PTPRD: variants seen among roughly 807,000 people sequenced by gnomAD.
PTPRD encodes protein tyrosine phosphatase receptor type D.
In PTPRD, 34 loss-of-function variants were observed where a neutral mutation model predicts 214.5. The observed-to-expected ratio is 0.16, with a 90% confidence interval of 0.12 to 0.21. The LOEUF (loss-of-function observed/expected upper bound fraction) is 0.21, where lower values mean the gene tolerates loss of function less well. PTPRD is among the 10% of genes least tolerant of loss of function. PTPRD has a pLI of 1.00. For missense variants in PTPRD, 2,545 were observed against 2,398.7 expected (o/e 1.06, Z -1.27); for synonymous variants, 1,128 against 845.7 (o/e 1.33, Z -5.79).
chr9:10,001,580 C>T (rs990436365), intron 4 of PTPRD, among the ~76,000 whole-genome samples: 1 of 152,046 alleles, frequency 6.6e-6, no homozygotes, highest in Non-Finnish European at 1.5e-5. Context: ...ATCACTGAAG[C>T]CAGAGGCAAT....
chr9:9,278,299 A>T (rs971064598), intron 9 of PTPRD, among the ~76,000 whole-genome samples: 2 of 151,260 alleles, frequency 1.3e-5, no homozygotes, highest in African/African-American at 4.8e-5. Context: ...TATTATTATT[A>T]TGGCTGTCAA....
intron 12 of PTPRD, among the ~76,000 whole-genome samples, chr9:8,687,448 A>G (rs187981919): frequency 6.6e-6 from 1 of 152,210 alleles, no homozygotes; most frequent in Admixed American, 6.5e-5. Flanking sequence ...CACAAACCGT[A>G]TGTTCCAGGT....
At chr9:9,829,873 A>G (rs2054237573) in intron 5 of PTPRD, among the ~76,000 whole-genome samples, 2 of 151,878 alleles carry the variant, frequency 1.3e-5, no homozygotes, top group Admixed American at 1.3e-4. Context: ...TACTATTTCT[A>G]TTATGTTTAT....
At chr9:10,339,941 T>G (rs1322636339) in intron 3 of PTPRD, among the ~76,000 whole-genome samples, 1 of 151,832 alleles carries the variant, frequency 6.6e-6, no homozygotes, top group African/African-American at 2.4e-5. Flanking sequence ...CACCTTATTC[T>G]TCATAACTAT....
chr9:10,441,499 T>C (rs2098758044), intron 2 of PTPRD, among the ~76,000 whole-genome samples: 1 of 151,718 alleles, frequency 6.6e-6, no homozygotes, highest in African/African-American at 2.4e-5. Flanking sequence ...CAAGCCTCAG[T>C]CCAAATGTCA....
chr9:9,055,672 G>GACA (rs2099694855), intron 10 of PTPRD, among the ~76,000 whole-genome samples: 2 of 151,672 alleles, frequency 1.3e-5, no homozygotes, highest in Non-Finnish European at 2.9e-5. Context: ...ATTCAACAGT[G>GACA]ACTTTAAAAT....
intron 10 of PTPRD, among the ~76,000 whole-genome samples, chr9:9,088,513 G>A (rs1013058988): frequency 1.4e-5 from 2 of 146,126 alleles, no homozygotes; most frequent in Non-Finnish European, 3.0e-5. Context: ...CCAGGAGGTC[G>A]GGGTTGCAGT....
chr9:8,348,989 G>A (rs1015137100), intron 39 of PTPRD, among the ~76,000 whole-genome samples: 1 of 151,962 alleles, frequency 6.6e-6, no homozygotes, highest in Admixed American at 6.6e-5. Context: ...TGTCTCTACT[G>A]TTTGGCAATT....
At chr9:8,736,855 T>C (rs968103032) in intron 11 of PTPRD, among the ~76,000 whole-genome samples, 2 of 152,142 alleles carry the variant, frequency 1.3e-5, no homozygotes, top group African/African-American at 4.8e-5. Context: ...AGCTATCAGA[T>C]GTTAAAAATC....
chr9:9,627,255 C>A lies in PTPRD; in HGVS notation c.-286-52474G>T, dbSNP rs189386254. Among the ~76,000 whole-genome samples the A allele has an allele frequency of 2.6e-5, 4 of 152,138 alleles. No individual in the cohort carries two copies. The East Asian group carries it at 7.7e-4, about 29-fold the overall frequency. ...CTGAGAAGCAGAGGTTGCACTGAGC[C>A]GAGATTGGGCCACTTCACTACAACA... On this transcript the variant is annotated intron_variant, in intron 7 of 45. Transcript: ENST00000381196.
At chr9:8,669,656 T>C (rs1477776863) in intron 12 of PTPRD, among the ~76,000 whole-genome samples, 1 of 152,210 alleles carries the variant, frequency 6.6e-6, no homozygotes, top group East Asian at 1.9e-4. Flanking sequence ...ACAAGGACCT[T>C]TTAGGATACA....
intron 30 of PTPRD, among the ~76,000 whole-genome samples, chr9:8,472,277 C>A (rs1257262705): frequency 6.6e-6 from 1 of 152,106 alleles, no homozygotes; most frequent in Non-Finnish European, 1.5e-5. Context: ...AAAACACACA[C>A]ACACGGACCT....
At chr9:10,282,927 T>A (rs2095198705) in intron 3 of PTPRD, among the ~76,000 whole-genome samples, 1 of 152,156 alleles carries the variant, frequency 6.6e-6, no homozygotes, top group Non-Finnish European at 1.5e-5. Context: ...CTCATTTCTA[T>A]CTGTCTATCA....
rs573725468 is a variant in PTPRD, at chr9:9,992,648, T to C, written c.-472+41070A>G. ...AAAAAGGATGAGTTCATGTCCTTTG[T>C]AGGGACATGGATGAAGCTGGAAACC... is the stretch of plus-strand genomic sequence containing the variant. On this transcript the variant is annotated intron_variant, in intron 4 of 45. Coordinates refer to ENST00000381196, the MANE Select transcript of PTPRD (RefSeq NM_002839.4). 1.4e-3 allele frequency among the ~76,000 whole-genome samples: 212 copies of C among 152,250 alleles called. 1 individual carries two copies. Among genetic ancestry groups the C allele is most frequent in the Non-Finnish European group, 2.3e-3 (159 of 68,018 alleles).
intron 3 of PTPRD, among the ~76,000 whole-genome samples, chr9:10,142,533 A>G (rs2098993402): frequency 1.3e-5 from 2 of 152,162 alleles, no homozygotes; most frequent in Admixed American, 1.3e-4. Flanking sequence ...AATGCTCACC[A>G]TCACTAGCCA....
intron 23 of PTPRD, among the ~76,000 whole-genome samples, chr9:8,502,412 A>T (rs928909843): frequency 6.6e-6 from 1 of 152,030 alleles, no homozygotes; most frequent in East Asian, 1.9e-4. Flanking sequence ...GGTGTATCCA[A>T]TTGTTCAGGG....
At chr9:9,954,301 A>AAC (rs2093710782) in intron 4 of PTPRD, among the ~76,000 whole-genome samples, 1 of 135,106 alleles carries the variant, frequency 7.4e-6, no homozygotes, top group African/African-American at 2.9e-5. Context: ...TCAAAACAAA[A>AAC]AAAAAAAAAA....
chr9:9,505,856 C>G (rs2096557997), intron 8 of PTPRD, among the ~76,000 whole-genome samples: 1 of 151,400 alleles, frequency 6.6e-6, no homozygotes, highest in African/African-American at 2.4e-5. Context: ...TTCTTTCTAA[C>G]ATGGGACATT....
At chr9:9,020,893 A>G (rs1284620311) in intron 10 of PTPRD, among the ~76,000 whole-genome samples, 2 of 152,190 alleles carry the variant, frequency 1.3e-5, no homozygotes, top group Non-Finnish European at 2.9e-5. Flanking sequence ...TCCTCTAAAT[A>G]ACCAGAATGA....
Sources: gnomAD v4.1 joint callset for allele counts (sites outside exome capture counted in the v4.1 genomes callset) on GRCh38, gnomAD v4.1.1 for gene constraint, MANE v1.5 for transcripts, NCBI Gene and HGNC (gene_info 2026-07-23, HGNC 2026-07-21) for gene names.